IGFL4: variants seen among roughly 807,000 people sequenced by gnomAD.
IGFL4 encodes insulin growth factor-like family member 4.
IGFL4 carries 12 observed loss-of-function variants against 15.4 expected under a neutral mutation model. The observed-to-expected ratio is 0.78, with a 90% CI of 0.50 to 1.26. The LOEUF (loss-of-function observed/expected upper bound fraction) is 1.26. IGFL4 is among the 50% of genes most tolerant of loss of function. The pLI is 0.00. For synonymous variants in IGFL4, 54 were observed against 55.9 expected (o/e 0.97, Z 0.16); for missense variants, 126 against 147.8 (o/e 0.85, Z 0.76).
chr19:46,068,236 C>T (rs775529858), intron 1 of IGFL4, among the ~76,000 whole-genome samples: 8 of 152,220 alleles, frequency 5.3e-5, no homozygotes, highest in East Asian at 1.9e-4. Context: ...ATCTCTTTAT[C>T]TCTCCAGATG....
intron 2 of IGFL4, chr19:46,060,139 T>G (rs1969430989): frequency 6.6e-6 from 1 of 152,256 alleles, no homozygotes; most frequent in African/African-American, 2.4e-5. Context: ...AGATCCTTAT[T>G]GTACTTATGC....
chr19:46,044,339 T>C (rs1969277379), upstream of IGFL4, among the ~76,000 whole-genome samples: 1 of 152,112 alleles, frequency 6.6e-6, no homozygotes, highest in South Asian at 2.1e-4. Context: ...AGGACATCCC[T>C]CCATACATAT....
At chr19:46,053,170 C>T (rs971851867) in intron 2 of IGFL4, among the ~76,000 whole-genome samples, 9 of 152,024 alleles carry the variant, frequency 5.9e-5, no homozygotes, top group African/African-American at 2.2e-4. Flanking sequence ...GCAATATAGC[C>T]AGGGTATCTG....
At chr19:46,043,504 A>G (rs887123009), upstream of IGFL4, among the ~76,000 whole-genome samples, 2 of 152,232 alleles carry the variant, frequency 1.3e-5, no homozygotes, top group Non-Finnish European at 2.9e-5. Flanking sequence ...ATTTTGGTTG[A>G]TGAAAAATGT....
At chr19:46,057,299 G>A (rs1969402162) in intron 2 of IGFL4, among the ~76,000 whole-genome samples, 2 of 151,972 alleles carry the variant, frequency 1.3e-5, no homozygotes, top group African/African-American at 4.8e-5. Context: ...CATTTTTAGA[G>A]TAAAAATATT....
Position 46,065,062 on chromosome 19 carries a change from T to C in IGFL4, c.-431-4769A>G, listed in dbSNP as rs183599469. Among the ~76,000 whole-genome samples, 24 of 152,350 alleles carry C rather than the reference T, an allele frequency of 1.6e-4. No individual in the cohort carries two copies. The Middle Eastern group carries it at 0.01, about 65-fold the overall frequency. ...ATCAATGATATTGAACACCTTTTCA[T>C]ATGCCTGTTTGCCATTTGTATGTCT... On this transcript the variant is annotated intron_variant, in intron 1 of 5. Transcript: ENST00000601672.
intron 1 of IGFL4, chr19:46,062,840 T>A (rs1017814722): frequency 6.6e-6 from 1 of 152,242 alleles, no homozygotes; most frequent in Admixed American, 6.5e-5. Context: ...AGCTCTCAAG[T>A]TTCCCCCTTT....
intron 2 of IGFL4, among the ~76,000 whole-genome samples, chr19:46,051,366 G>A (rs1969343358): frequency 1.3e-5 from 2 of 152,102 alleles, no homozygotes; most frequent in African/African-American, 4.8e-5. Flanking sequence ...CCAACATGGT[G>A]AAACCCTGTC....
chr19:46,076,251 A>G (rs909869390), intron 1 of IGFL4, among the ~76,000 whole-genome samples: 12 of 152,218 alleles, frequency 7.9e-5, no homozygotes, highest in Non-Finnish European at 1.6e-4. Flanking sequence ...TTAAGTTTCA[A>G]CGTGAATCTT....
intron 1 of IGFL4, among the ~76,000 whole-genome samples, chr19:46,065,277 C>T (rs2146525817): frequency 6.6e-6 from 1 of 151,544 alleles, no homozygotes; most frequent in African/African-American, 2.4e-5. Context: ...TGTCTCTTCA[C>T]TTCATTGATT....
At chr19:46,050,158 T>A (rs1969332418) in intron 2 of IGFL4, among the ~76,000 whole-genome samples, 1 of 152,198 alleles carries the variant, frequency 6.6e-6, no homozygotes, top group Non-Finnish European at 1.5e-5. Flanking sequence ...GACAAAAGAA[T>A]CTGAACATCA....
chr19:46,076,848 T>C (rs1969604771), intron 1 of IGFL4, among the ~76,000 whole-genome samples: 1 of 152,196 alleles, frequency 6.6e-6, no homozygotes, highest in African/African-American at 2.4e-5. Context: ...TACCTATGCG[T>C]CTTCCCTGTT....
intron 1 of IGFL4, among the ~76,000 whole-genome samples, chr19:46,064,453 C>T (rs531947269): frequency 6.6e-6 from 1 of 152,142 alleles, no homozygotes; most frequent in Non-Finnish European, 1.5e-5. Context: ...AATACACTTT[C>T]CCATTAACCA....
At chr19:46,069,209 C>A (rs776960069) in intron 1 of IGFL4, among the ~76,000 whole-genome samples, 4 of 152,304 alleles carry the variant, frequency 2.6e-5, no homozygotes, top group Admixed American at 6.5e-5. Context: ...ATGCCATGAG[C>A]AAAATCTTCC....
At position 46,040,328 on chromosome 19, in the gene IGFL4, G is replaced by A. The variant is rs1212265481; in HGVS notation, c.159C>T (p.Ile53=). Reference sequence around the variant, plus strand: ...AGAGCCGGGTCTGGTTCAAGTCTAGGATGACACCGTCATCACAGCACTGCT... The same window carrying A: ...AGAGCCGGGTCTGGTTCAAGTCTAGAATGACACCGTCATCACAGCACTGCT... ...PLEQCCDDGV[I]LDLNQTRLCG... is the part of the protein sequence containing the mutation. Residue 53 remains isoleucine (I), a synonymous_variant, in exon 3 of 4, where the codon ATC becomes ATT. Transcript: ENST00000377697. The surrounding 1 kb of genome is among the most constrained non-coding windows in gnomAD (Gnocchi z 4.1). The A allele has an allele frequency of 6.2e-7, 1 of 1,614,074 alleles. No individual in the cohort carries two copies. Among genetic ancestry groups the A allele is most frequent in the Admixed American group, 1.7e-5 (1 of 60,014 alleles).
At chr19:46,055,240 GTTTTC>G (rs971523934) in intron 2 of IGFL4, among the ~76,000 whole-genome samples, 1 of 152,138 alleles carries the variant, frequency 6.6e-6, no homozygotes, top group Non-Finnish European at 1.5e-5. Flanking sequence ...TCAGTAATAT[GTTTTC>G]TTTTCATTTC....
intron 1 of IGFL4, among the ~76,000 whole-genome samples, chr19:46,061,533 G>C (rs868634703): frequency 1.5e-4 from 23 of 152,298 alleles, no homozygotes; most frequent in South Asian, 8.3e-4. Context: ...GAGGAACAGG[G>C]CCAGGAAAGC....
chr19:46,074,823 T>C (rs940806179), intron 1 of IGFL4, among the ~76,000 whole-genome samples: 1 of 152,228 alleles, frequency 6.6e-6, no homozygotes, highest in Non-Finnish European at 1.5e-5. Context: ...ATACTTTGCA[T>C]CCTTCAATCC....
chr19:46,047,039 C>G (rs1969303380), intron 2 of IGFL4, among the ~76,000 whole-genome samples: 1 of 152,128 alleles, frequency 6.6e-6, no homozygotes, highest in Non-Finnish European at 1.5e-5. Context: ...GAACTGAAGT[C>G]ATAACAAACA....
Sources: gnomAD v4.1 joint callset for allele counts (sites outside exome capture counted in the v4.1 genomes callset) on GRCh38, gnomAD v4.1.1 for gene constraint, Gnocchi (gnomAD v3.1) non-coding constraint, MANE v1.5 for transcripts, NCBI Gene and HGNC (gene_info 2026-07-23, HGNC 2026-07-21) for gene names.